The following TCF7 variants were observed in gnomAD, a reference collection of about 807,000 sequenced individuals.
The protein encoded by TCF7 is transcription factor 7.
TCF7 carries 19 observed loss-of-function variants against 46.8 expected under a neutral mutation model. The ratio of observed to expected loss-of-function variants is 0.41; its 90% confidence interval spans 0.28 to 0.60. TCF7 has a LOEUF of 0.60. Ranked by LOEUF, TCF7 falls within the 20% of genes least tolerant of loss-of-function variation. The pLI, the probability that TCF7 is intolerant of heterozygous loss-of-function variation, is 0.35. For synonymous variants in TCF7, 245 were observed against 213.4 expected, an observed-to-expected ratio of 1.15 and a Z score of -1.29; for missense variants, 547 against 504.6, an observed-to-expected ratio of 1.08 and a Z score of -0.81.
chr5:134,114,322 G>A (rs891079091), upstream of TCF7, among the ~76,000 whole-genome samples: 2 of 152,096 alleles, frequency 1.3e-5, no homozygotes, highest in African/African-American at 2.4e-5. Flanking sequence ...TTGGAGCCTG[G>A]GCACGATACA....
intron 3 of TCF7, among the ~76,000 whole-genome samples, chr5:134,124,301 C>T (rs1757029897): frequency 6.6e-6 from 1 of 152,184 alleles, no homozygotes; most frequent in South Asian, 2.1e-4. Context: ...CCGCCTTCCT[C>T]CCTTAAAAAT....
Position 134,143,607 on chromosome 5 carries a change from C to T in TCF7, c.1042C>T (p.Arg348Trp), listed in dbSNP as rs138920359. The T allele has an allele frequency of 1.1e-5, 17 of 1,613,910 alleles. No individual in the cohort carries two copies. The highest frequency in any genetic ancestry group is 1.3e-5 in the African/African-American group (1 of 74,906). The change falls in exon 9 of 10, where the codon CGG (arginine) becomes TGG (tryptophan). Residue 348 changes from arginine to tryptophan, a missense_variant. Arg to Trp is a moderately radical substitution (Grantham distance 101). Transcript: ENST00000342854. ...ARDNYGKKKRRSREKHQESTT... is the reference protein window; with the variant it reads ...ARDNYGKKKRWSREKHQESTT... ...TTCCCTGCAGGGGAAGAAGAAGAGG[C>T]GGTCGAGGGAAAAGCACCAAGAATC...
At chr5:134,138,242 C>T (rs761343108) in intron 4 of TCF7, 78 bp downstream of exon 4, 3 of 1,353,470 alleles carry the variant, frequency 2.2e-6, no homozygotes, top group Non-Finnish European at 3.1e-6. Flanking sequence ...GACCAGGTAG[C>T]TGGGTCCATT....
chr5:134,109,954 G>A (rs1278975965), upstream of TCF7, among the ~76,000 whole-genome samples: 1 of 152,152 alleles, frequency 6.6e-6, no homozygotes, highest in Non-Finnish European at 1.5e-5. Context: ...CTAGGACCTG[G>A]CACACAGTGG....
In TCF7 at chr5:134,115,055, A is replaced by C; in HGVS notation, c.149A>C (p.Glu50Ala). ...SAAGPERDLA[E>A]LKSSLVNESE... ...GCCGGTCCCGAGCGCGACCTGGCCG[A>C]GCTCAAGTCGTCGCTCGTGAACGAG... The change falls in exon 1 of 10, where the codon GAG (glutamate) becomes GCG (alanine). Residue 50 changes from glutamate (E) to alanine (A), a missense_variant. Transcript: ENST00000342854. 1 of 1,214,236 alleles carries C rather than the reference A, an allele frequency of 8.2e-7. No individual in the cohort carries two copies. The highest frequency in any genetic ancestry group is 1.6e-5 in the African/African-American group (1 of 61,672). 75.2% of individuals were successfully genotyped at this position (1,214,236 alleles called of 1,614,324 possible). A position where few individuals can be genotyped will look rare whatever the true frequency, so the allele number is the denominator to read the frequency against.
chr5:134,128,235 A>G (rs1757616150), intron 3 of TCF7, among the ~76,000 whole-genome samples: 1 of 152,004 alleles, frequency 6.6e-6, no homozygotes, highest in Admixed American at 6.5e-5. Context: ...GCGTCATGCT[A>G]CACCCAGGTG....
At chr5:134,137,974 A>T in intron 3 of TCF7, 85 bp from the exon 4 acceptor site, 2 of 1,166,750 alleles carry the variant, frequency 1.7e-6, no homozygotes, top group Non-Finnish European at 1.2e-6. Context: ...TTTCTTTGAC[A>T]GCTGGGCTTC....
intron 9 of TCF7, chr5:134,144,924 T>C (rs756055419): frequency 2.0e-6 from 3 of 1,499,086 alleles, no homozygotes; most frequent in Middle Eastern, 1.7e-4. Flanking sequence ...TCCCTGACTC[T>C]GCACATGTTC....
At chr5:134,124,292 C>T (rs1437679512) in intron 3 of TCF7, among the ~76,000 whole-genome samples, 2 of 152,192 alleles carry the variant, frequency 1.3e-5, no homozygotes, top group African/African-American at 2.4e-5. Context: ...CCTGGGAAAC[C>T]GCCTTCCTCC....
chr5:134,129,462 A>T (rs1314694215), intron 3 of TCF7, among the ~76,000 whole-genome samples: 1 of 152,174 alleles, frequency 6.6e-6, no homozygotes, highest in Non-Finnish European at 1.5e-5. Context: ...GGGGAGCTGC[A>T]TGAATAACTG....
chr5:134,146,457 C>A lies in TCF7; in HGVS notation c.*154C>A. ...CTCCCAACCCCAGGGCCCCCACAGG[C>A]CCCCCGCAGCACCCTGCAGAGCACA... On this transcript the variant is annotated 3_prime_UTR_variant, in exon 10 of 10. Coordinates refer to ENST00000342854, the MANE Select transcript of TCF7 (RefSeq NM_003202.5). 9 of 852,878 alleles carry A rather than the reference C, an allele frequency of 1.1e-5. No individual in the cohort carries two copies. The highest frequency in any genetic ancestry group is 2.6e-5 in the East Asian group (1 of 38,760). 52.8% of individuals were successfully genotyped at this position (852,878 alleles called of 1,614,324 possible).
chr5:134,108,243 C>A, the TCF7 span, among the ~76,000 whole-genome samples: 1 of 152,000 alleles, frequency 6.6e-6, no homozygotes, highest in Non-Finnish European at 1.5e-5. Context: ...TCCCAACCCC[C>A]ACCCTGGGAG....
intron 5 of TCF7, 122 bp downstream of exon 5, chr5:134,139,160 C>G: frequency 1.4e-6 from 2 of 1,445,964 alleles, no homozygotes; most frequent in Non-Finnish European, 1.8e-6. Context: ...TGTTTAGATG[C>G]CAGGGGCTGG....
chr5:134,145,822 G>T (rs1760613971), intron 9 of TCF7: 6 of 1,613,118 alleles, frequency 3.7e-6, no homozygotes, highest in Non-Finnish European at 4.2e-6. Context: ...CCAGCTTGAG[G>T]ACTGGGATGG....
chr5:134,114,687 C>A lies in TCF7; in HGVS notation c.-220C>A, dbSNP rs1411689352. 1.0e-5 allele frequency: 2 copies of A among 190,636 alleles called. No homozygotes were observed. Among genetic ancestry groups the A allele is most frequent in the Non-Finnish European group, 1.9e-5 (2 of 106,428 alleles). 11.8% of individuals were successfully genotyped at this position (190,636 alleles called of 1,614,324 possible). ...TGCCCGCCCCGCCCCCGGCACTCGG[C>A]CGGCGGCGCCTTTGATGTTCCGACC... On this transcript the variant is annotated 5_prime_UTR_variant, in exon 1 of 10. Transcript: ENST00000342854.
At position 134,138,124 on chromosome 5, in the gene TCF7, A is replaced by G. The variant is rs751079657; in HGVS notation, c.507A>G (p.Pro169=). 1.2e-6 allele frequency: 2 copies of G among 1,612,656 alleles called. No homozygotes were observed. The highest frequency in any genetic ancestry group is 2.7e-5 in the African/African-American group (2 of 74,514). The part of the protein sequence containing the change: ...QLSLYEHFNS[P]HPTPAPADIS... ...CTCTCTACGAACATTTCAACAGCCCACATCCCACCCCTGCACCTGCGGACA... is the reference window on the plus strand; with the variant it reads ...CTCTCTACGAACATTTCAACAGCCCGCATCCCACCCCTGCACCTGCGGACA... The change falls in exon 4 of 10, where the codon CCA becomes CCG. Residue 169 remains proline (P), a synonymous_variant. Coordinates refer to ENST00000342854, the MANE Select transcript of TCF7 (RefSeq NM_003202.5).
Position 134,115,362 on chromosome 5 carries a change from C to T in TCF7, c.291C>T (p.Asp97=), listed in dbSNP as rs764650996. The T allele has an allele frequency of 2.1e-5, 34 of 1,602,908 alleles. No individual in the cohort carries two copies. The highest frequency in any genetic ancestry group is 2.7e-5 in the Non-Finnish European group (32 of 1,175,620). Residue 97 remains aspartate, a synonymous_variant, in exon 2 of 10, where the codon GAC becomes GAT. Coordinates refer to ENST00000342854, the MANE Select transcript of TCF7 (RefSeq NM_003202.5). ...ACGCTGCGCAGAGACTCTTCCCGGA[C>T]AAACTTCCAGAGCCCCTGGAGGACG... The part of the protein sequence containing the change: ...REHAAQRLFP[D]KLPEPLEDGL...
chr5:134,118,276 C>T (rs1388163622), intron 3 of TCF7, among the ~76,000 whole-genome samples: 1 of 152,218 alleles, frequency 6.6e-6, no homozygotes, highest in Admixed American at 6.5e-5. Context: ...CAAAGCTGGT[C>T]ACTTTCCCAA....
intron 3 of TCF7, among the ~76,000 whole-genome samples, chr5:134,121,785 T>C (rs894374174): frequency 2.0e-5 from 3 of 152,166 alleles, no homozygotes; most frequent in African/African-American, 7.2e-5. Flanking sequence ...CATCACTCTT[T>C]CGTTTCCACC....
Sources: gnomAD v4.1 joint callset for allele counts (sites outside exome capture counted in the v4.1 genomes callset) on GRCh38, gnomAD v4.1.1 for gene constraint, MANE v1.5 for transcripts, NCBI Gene and HGNC (gene_info 2026-07-23, HGNC 2026-07-21) for gene names.